SV2A: variants seen among roughly 807,000 people sequenced by gnomAD.
SV2A encodes synaptic vesicle glycoprotein 2A.
Under a neutral mutation model 78.0 loss-of-function variants are expected in SV2A, and 25 were observed. The observed-to-expected ratio is 0.32, with a 90% CI of 0.23 to 0.45. SV2A has a LOEUF of 0.45. SV2A is among the 20% of genes least tolerant of loss of function. The probability of loss-of-function intolerance (pLI) is 1.00; values close to 1 mark genes in which losing one functional copy is unlikely to be tolerated. For missense variants in SV2A, 752 were observed against 971.5 expected, an observed-to-expected ratio of 0.77 and a Z score of 3.00; for synonymous variants, 355 against 384.7, an observed-to-expected ratio of 0.92 and a Z score of 0.90.
intron 12 of SV2A, 91 bp from the exon 13 acceptor site, chr1:149,905,288 TGCAG>T (rs1440107418): frequency 8.4e-7 from 1 of 1,191,422 alleles, no homozygotes; most frequent in Non-Finnish European, 1.2e-6. Flanking sequence ...TCCAGGAAGA[TGCAG>T]GCAGTGTCCA....
intron 3 of SV2A, 59 bp from the exon 4 acceptor site, chr1:149,911,036 C>A: frequency 6.4e-6 from 10 of 1,572,878 alleles, no homozygotes; most frequent in Non-Finnish European, 8.6e-6. Context: ...ATCCCCTGCC[C>A]CACTGCTCTG....
chr1:149,912,465 A>G (rs1390979040), intron 2 of SV2A, among the ~76,000 whole-genome samples: 1 of 152,126 alleles, frequency 6.6e-6, no homozygotes, highest in Middle Eastern at 3.2e-3. Context: ...TTCCAGTCTC[A>G]ATATTTCTGG....
At position 149,909,557 on chromosome 1, in the gene SV2A, C is replaced by T. The variant is rs868917710; in HGVS notation, c.1194G>A (p.Lys398=). The T allele has an allele frequency of 5.6e-6, 9 of 1,614,096 alleles. No individual in the cohort carries two copies. The Middle Eastern group carries it at 1.5e-3, about 266-fold the overall frequency. Residue 398 remains lysine (K), a synonymous_variant, in exon 7 of 13, where the codon AAG becomes AAA. Coordinates refer to ENST00000369146, the MANE Select transcript of SV2A (RefSeq NM_014849.5). ...TCAATTCATCCTCCTGATGAATCGT[C>T]TTAATGTGGGTTACCTGGGGTCAAG... ...PERVFSVTHI[K]TIHQEDELIE...
chr1:149,909,037 C>T (rs1282229957), intron 8 of SV2A, among the ~76,000 whole-genome samples, 155 bp downstream of exon 8: 1 of 152,116 alleles, frequency 6.6e-6, no homozygotes, highest in African/African-American at 2.4e-5. Context: ...GTTGAGTGAA[C>T]TAGCGAAGTA....
chr1:149,915,035 A>G (rs1314825074), intron 1 of SV2A, among the ~76,000 whole-genome samples: 1 of 152,188 alleles, frequency 6.6e-6, no homozygotes, highest in Non-Finnish European at 1.5e-5. Context: ...TTCAGGGCAA[A>G]GCACATGACT....
At chr1:149,913,169 G>A in intron 2 of SV2A, 50 bp downstream of exon 2, 6 of 1,582,988 alleles carry the variant, frequency 3.8e-6, no homozygotes, top group Non-Finnish European at 5.1e-6. Context: ...CCAGGAGCAA[G>A]GAGGTTTCCA....
In SV2A at chr1:149,907,703, T is replaced by C; in HGVS notation, c.1675A>G (p.Thr559Ala). The change falls in exon 10 of 13, where the codon ACT (threonine) becomes GCT (alanine). Residue 559 changes from threonine (T) to alanine (A), a missense_variant. Thr to Ala is a moderately conservative substitution (Grantham distance 58). Transcript: ENST00000369146. ...CCCACCAGCCACCCCGCCTTACCAG[T>C]GTTATAGAACACAGTGTTGATGAAT... ...CTFINTVFYN[T>A]DLFEYKFVNS... 6.2e-7 allele frequency: 1 copy of C among 1,613,424 alleles called. No individual in the cohort carries two copies. Among genetic ancestry groups the C allele is most frequent in the African/African-American group, 1.3e-5 (1 of 75,008 alleles).
intron 3 of SV2A, among the ~76,000 whole-genome samples, chr1:149,911,338 A>C (rs996578698): frequency 3.3e-5 from 5 of 152,244 alleles, no homozygotes; most frequent in Admixed American, 6.5e-5. Flanking sequence ...AGGAGCTTGG[A>C]GTTGAAGCAG....
At chr1:149,908,258 A>C in intron 8 of SV2A, 52 bp from the exon 9 acceptor site, 6 of 1,583,396 alleles carry the variant, frequency 3.8e-6, no homozygotes, top group Non-Finnish European at 5.2e-6. Flanking sequence ...GACAAGGCTC[A>C]GAGATTAGAA....
chr1:149,909,332 C>A (rs782091740), intron 7 of SV2A, 52 bp from the exon 8 acceptor site: 3 of 1,595,624 alleles, frequency 1.9e-6, no homozygotes, highest in African/African-American at 1.3e-5. Flanking sequence ...TTCTAGCACC[C>A]ATAGATCCCC....
In SV2A at chr1:149,909,453, A is replaced by G. The variant is rs1357877186; in HGVS notation, c.1290+8T>C. 1.2e-6 allele frequency: 2 copies of G among 1,608,516 alleles called. No individual in the cohort carries two copies. The highest frequency in any genetic ancestry group is 1.7e-6 in the Non-Finnish European group (2 of 1,176,116). On this transcript the variant is annotated splice_region_variant and intron_variant, in intron 7 of 12. Coordinates refer to ENST00000369146, the MANE Select transcript of SV2A (RefSeq NM_014849.5). Reference sequence around the variant, plus strand: ...CTCCCTTCTATCTACCACCCCGTCCACCATTACCTGCCCCCCTAGGCTCAA... The same window carrying G: ...CTCCCTTCTATCTACCACCCCGTCCGCCATTACCTGCCCCCCTAGGCTCAA...
chr1:149,904,560 C>T lies in SV2A; in HGVS notation c.*454G>A, dbSNP rs2092422393. 1 of 154,100 alleles carries T rather than the reference C, an allele frequency of 6.5e-6. No individual in the cohort carries two copies. Among genetic ancestry groups the T allele is most frequent in the Admixed American group, 6.5e-5 (1 of 15,334 alleles). The allele number at this position is 154,100 out of a possible 1,614,324, so 9.5% of individuals were successfully genotyped here. ...GATGTGAGAGGGCACCCGAGGCCCACTCTTCAGACTCTAAGAAGTTCTTTT... is the reference window on the plus strand; with the variant it reads ...GATGTGAGAGGGCACCCGAGGCCCATTCTTCAGACTCTAAGAAGTTCTTTT... On this transcript the variant is annotated 3_prime_UTR_variant, in exon 13 of 13. Transcript: ENST00000369146.
chr1:149,906,688 G>T lies in SV2A; in HGVS notation c.1847C>A (p.Ala616Asp). ...CCTGCCGATCTTGTCCATGAGCAGG[G>T]CAGACACGATATTCCCAGGAAGCAC... Reference protein sequence around the residue: ...LAVLPGNIVSALLMDKIGRLR... With the variant: ...LAVLPGNIVSDLLMDKIGRLR... Residue 616 changes from alanine to aspartate, a missense_variant, in exon 11 of 13, where the codon GCC (alanine) becomes GAC (aspartate). Ala to Asp is a moderately radical substitution (Grantham distance 126). This residue lies in a region of SV2A where 186 missense variants were observed against 274.6 expected (regional missense o/e 0.68). Transcript: ENST00000369146. The T allele has an allele frequency of 1.2e-6, 2 of 1,614,210 alleles. No individual in the cohort carries two copies. Among genetic ancestry groups the T allele is most frequent in the Non-Finnish European group, 1.7e-6 (2 of 1,180,028 alleles).
At chr1:149,908,011 G>A in intron 9 of SV2A, 31 bp downstream of exon 9, 3 of 1,608,560 alleles carry the variant, frequency 1.9e-6, no homozygotes, top group Non-Finnish European at 8.5e-7. Flanking sequence ...AAGGAACAGG[G>A]AAGAAGTGAA....
At chr1:149,916,785 C>T (rs1571513705) in intron 1 of SV2A, among the ~76,000 whole-genome samples, 1 of 152,160 alleles carries the variant, frequency 6.6e-6, no homozygotes, top group African/African-American at 2.4e-5. Context: ...CATGACAGCC[C>T]GGTCATCGAA....
chr1:149,908,786 C>T (rs984358037), intron 8 of SV2A, among the ~76,000 whole-genome samples: 10 of 152,146 alleles, frequency 6.6e-5, no homozygotes, highest in African/African-American at 2.4e-4. Flanking sequence ...TACAGGCGCC[C>T]ACCACCATGC....
At chr1:149,906,538 G>C (rs1553762772) in intron 11 of SV2A, 112 bp downstream of exon 11, 4 of 1,160,604 alleles carry the variant, frequency 3.4e-6, no homozygotes, top group East Asian at 2.5e-5. Context: ...GAAAACATGA[G>C]AGAGGAACTC....
intron 1 of SV2A, among the ~76,000 whole-genome samples, chr1:149,916,200 A>C (rs587732430): frequency 7.2e-5 from 11 of 152,238 alleles, no homozygotes; most frequent in African/African-American, 2.6e-4. Context: ...AGGACCCACC[A>C]GGAGCCATAC....
chr1:149,907,366 C>G (rs889753154), intron 10 of SV2A, among the ~76,000 whole-genome samples: 4 of 152,082 alleles, frequency 2.6e-5, no homozygotes, highest in Non-Finnish European at 2.9e-5. Context: ...ACCAAATACC[C>G]CTTTTATTGA....
Sources: gnomAD v4.1 joint callset for allele counts (sites outside exome capture counted in the v4.1 genomes callset) on GRCh38, gnomAD v4.1.1 for gene constraint, gnomAD v4.1.1 regional missense constraint, MANE v1.5 for transcripts, NCBI Gene and HGNC (gene_info 2026-07-23, HGNC 2026-07-21) for gene names.